Variants in KATNIP observed in about 807,000 individuals in gnomAD.
KATNIP encodes the protein katanin-interacting protein.
KATNIP carries 126 observed loss-of-function variants against 174.0 expected under a neutral mutation model. The ratio of observed to expected loss-of-function variants is 0.72; its 90% CI spans 0.63 to 0.84. The LOEUF is 0.84. Ranked by LOEUF, KATNIP falls within the 40% of genes least tolerant of loss-of-function variation. The probability of loss-of-function intolerance (pLI) is 0.00; values close to 1 mark genes in which losing one functional copy is unlikely to be tolerated. For synonymous variants in KATNIP, 810 were observed against 835.7 expected (o/e 0.97, Z 0.53); for missense variants, 1,958 against 2,109.7 (o/e 0.93, Z 1.41).
chr16:27,730,801 G>GCAC (rs905255831), intron 14 of KATNIP, among the ~76,000 whole-genome samples: 3 of 152,122 alleles, frequency 2.0e-5, no homozygotes, highest in Non-Finnish European at 2.9e-5. Flanking sequence ...GTACAAACAG[G>GCAC]CACCCCCGGC....
intron 6 of KATNIP, among the ~76,000 whole-genome samples, chr16:27,666,392 TTTTTG>T (rs56799945): frequency 0.12 from 17,758 of 149,444 alleles, 1,192 homozygotes; most frequent in Middle Eastern, 0.21. Context: ...GGGGAATGAG[TTTTTG>T]TTTTGTTTTG....
At chr16:27,661,624 C>G (rs986084401) in intron 6 of KATNIP, among the ~76,000 whole-genome samples, 1 of 151,774 alleles carries the variant, frequency 6.6e-6, no homozygotes, top group African/African-American at 2.4e-5. Flanking sequence ...AACTCCTGAC[C>G]TCAGGTGATC....
intron 20 of KATNIP, among the ~76,000 whole-genome samples, chr16:27,766,770 CTTG>C (rs2082140152): frequency 6.6e-6 from 1 of 152,170 alleles, no homozygotes; most frequent in Non-Finnish European, 1.5e-5. Context: ...CCTCAAGTCC[CTTG>C]AGTGCTCGGG....
Position 27,766,573 on chromosome 16 carries a change from A to C in KATNIP, c.3975+99A>C, listed in dbSNP as rs915965394. 5 of 1,292,080 alleles carry C rather than the reference A, an allele frequency of 3.9e-6. No individual in the cohort carries two copies. The African/African-American group carries it at 7.4e-5, about 19-fold the overall frequency. The allele number at this position is 1,292,080 out of a possible 1,614,324, so 80.0% of individuals were successfully genotyped here. On this transcript the variant is annotated intron_variant, in intron 20 of 27. Coordinates refer to ENST00000261588, the MANE Select transcript of KATNIP (RefSeq NM_015202.5). The stretch of plus-strand genomic sequence containing the variant: ...AGCCAGAGAGGAGCATAAATCCTCC[A>C]GAATTTTCCAAACGGAGCTGGGGGC...
rs370556645 is a variant in KATNIP at position 27,628,626 on chromosome 16, T to C, written c.141-35T>C. ...GGGTACAGCAGCCCAGACTCTCAAA[T>C]GATGAGGAGGAACAACCCACCGTTT... is the stretch of plus-strand genomic sequence containing the variant. On this transcript the variant is annotated intron_variant, in intron 3 of 27. Transcript: ENST00000261588. The C allele has an allele frequency of 3.8e-5, 61 of 1,608,896 alleles. No homozygotes were observed. In the African/African-American group the frequency reaches 6.9e-4, roughly 18 times the overall value.
intron 1 of KATNIP, among the ~76,000 whole-genome samples, chr16:27,568,698 C>T (rs534846288): frequency 2.6e-4 from 39 of 152,144 alleles, no homozygotes; most frequent in Admixed American, 2.0e-3. Flanking sequence ...CTCTTGACCT[C>T]GTGATCTGCC....
intron 2 of KATNIP, among the ~76,000 whole-genome samples, chr16:27,600,253 C>T (rs1296908265): frequency 6.6e-6 from 1 of 152,148 alleles, no homozygotes; most frequent in East Asian, 1.9e-4. Context: ...GGGAGGGGAC[C>T]AGGGTCAGAG....
At chr16:27,660,403 A>G (rs149564485) in intron 6 of KATNIP, among the ~76,000 whole-genome samples, 3,332 of 151,970 alleles carry the variant, frequency 0.022, 139 homozygotes, top group African/African-American at 0.077. Context: ...ACAAAAATTA[A>G]CCAGGCATGG....
chr16:27,642,425 G>C (rs915948557), intron 5 of KATNIP, among the ~76,000 whole-genome samples: 2 of 152,198 alleles, frequency 1.3e-5, no homozygotes, highest in African/African-American at 4.8e-5. Flanking sequence ...GGGGCCTGCT[G>C]TGGGGCCTAA....
At chr16:27,558,966 C>T (rs2089741459) in intron 1 of KATNIP, among the ~76,000 whole-genome samples, 2 of 152,200 alleles carry the variant, frequency 1.3e-5, no homozygotes, top group Admixed American at 1.3e-4. Flanking sequence ...GGTTCTCACA[C>T]CTGGAGAGTG....
intron 13 of KATNIP, among the ~76,000 whole-genome samples, chr16:27,714,349 A>C (rs1330736864): frequency 6.6e-6 from 1 of 152,186 alleles, no homozygotes; most frequent in African/African-American, 2.4e-5. Flanking sequence ...GTACATAAAA[A>C]TGTGCCATAT....
rs543551504 is a variant in KATNIP, at chr16:27,753,731, T to TTCCC, written c.3553-426_3553-423dup. 8.3e-3 allele frequency among the ~76,000 whole-genome samples: 1,256 copies of TTCCC among 151,180 alleles called. 8 individuals carry two copies. Among genetic ancestry groups the TTCCC allele is most frequent in the Middle Eastern group, 0.021 (6 of 292 alleles). On this transcript the variant is annotated intron_variant, in intron 17 of 27. Transcript: ENST00000261588. ...CACTTCCCCTTCCTTCCTTCCTTCCTTCCCTCCCTCCCTCCCTCCTTCCTT... is the reference window on the plus strand; with the variant it reads ...CACTTCCCCTTCCTTCCTTCCTTCCTTCCCTCCCTCCCTCCCTCCCTCCTTCCTT...
Position 27,631,045 on chromosome 16 carries a change from T to C in KATNIP, c.311-20T>C, listed in dbSNP as rs1408697321. The stretch of plus-strand genomic sequence containing the variant: ...GTCATCAGTGCCTCACCAAGTCTCC[T>C]TCCCTCGTCTCTGGTGCAGATTATG... On this transcript the variant is annotated intron_variant, in intron 4 of 27. Coordinates refer to ENST00000261588, the MANE Select transcript of KATNIP (RefSeq NM_015202.5). The C allele has an allele frequency of 1.3e-6, 2 of 1,548,054 alleles. No individual in the cohort carries two copies. The highest frequency in any genetic ancestry group is 1.8e-6 in the Non-Finnish European group (2 of 1,141,702).
rs574216115 is a variant in KATNIP, at chr16:27,633,463, T to A, written c.408+2301T>A. The stretch of plus-strand genomic sequence containing the variant: ...TTTTTATTTATTTTTATATATTTTT[T>A]ATTTTTTTTTTACTTATTTTTATTC... On this transcript the variant is annotated intron_variant, in intron 5 of 27. Transcript: ENST00000261588. 1.9e-4 allele frequency among the ~76,000 whole-genome samples: 28 copies of A among 150,530 alleles called. No individual in the cohort carries two copies. The South Asian group carries it at 5.8e-3, about 31-fold the overall frequency.
chr16:27,645,840 G>A (rs936330319), intron 5 of KATNIP, among the ~76,000 whole-genome samples: 4 of 152,148 alleles, frequency 2.6e-5, no homozygotes, highest in Non-Finnish European at 4.4e-5. Flanking sequence ...GCTCTGCCTC[G>A]TAGACTTCTA....
Position 27,581,066 on chromosome 16 carries a change from C to CAT in KATNIP, c.63+7122_63+7123dup, listed in dbSNP as rs149459250. Among the ~76,000 whole-genome samples the CAT allele has an allele frequency of 3.1e-3, 466 of 151,342 alleles. 3 individuals carry two copies. Among genetic ancestry groups the CAT allele is most frequent in the African/African-American group, 0.01 (433 of 41,258 alleles). ...ATATAGTGAAGCCCCATCTCTAAAA[C>CAT]ATATATATATATAATGTATGTGTAC... On this transcript the variant is annotated intron_variant, in intron 2 of 27. Transcript: ENST00000261588.
At chr16:27,671,379 A>G (rs1233264138) in intron 6 of KATNIP, among the ~76,000 whole-genome samples, 2 of 152,156 alleles carry the variant, frequency 1.3e-5, no homozygotes, top group South Asian at 4.1e-4. Context: ...AGAAGTACAA[A>G]AGTAGAGCTA....
chr16:27,599,090 C>T (rs540150838), intron 2 of KATNIP, among the ~76,000 whole-genome samples: 3 of 152,354 alleles, frequency 2.0e-5, no homozygotes, highest in Admixed American at 2.0e-4. Context: ...CGCAGCCCAA[C>T]ACCTGCTGCC....
rs761854517 is a variant in KATNIP at position 27,750,120 on chromosome 16, C to G, written c.3160C>G (p.Arg1054Gly). The change falls in exon 16 of 28, where the codon CGG (arginine) becomes GGG (glycine). Residue 1054 changes from arginine (R) to glycine (G), a missense_variant. By Grantham distance (125) the Arg-to-Gly change is moderately radical. This residue lies in a region of KATNIP where 1,557 missense variants were observed against 1,617.8 expected (regional missense o/e 0.96). Coordinates refer to ENST00000261588, the MANE Select transcript of KATNIP (RefSeq NM_015202.5). ...DMHVWLAPFT[R>G]GRSHSITIDF... ...GCATGTCTGGCTGGCCCCCTTCACG[C>G]GGGGCAGATCCCACTCCATCACCAT... 1.2e-6 allele frequency: 2 copies of G among 1,614,018 alleles called. No individual in the cohort carries two copies. Among genetic ancestry groups the G allele is most frequent in the East Asian group, 4.5e-5 (2 of 44,884 alleles).
Sources: allele counts gnomAD v4.1 joint callset (sites outside exome capture counted in the v4.1 genomes callset), GRCh38; gene constraint gnomAD v4.1.1; regional missense constraint gnomAD v4.1.1; transcripts MANE v1.5; gene names NCBI Gene and HGNC (gene_info 2026-07-23, HGNC 2026-07-21).